PLCG2: variants seen among roughly 807,000 people sequenced by gnomAD.
The protein encoded by PLCG2 is 1-phosphatidylinositol 4,5-bisphosphate phosphodiesterase gamma-2.
In PLCG2, 69 loss-of-function variants were observed where a neutral mutation model predicts 175.6. The observed-to-expected ratio is 0.39, with a 90% CI of 0.32 to 0.48. PLCG2 has a LOEUF of 0.48. PLCG2 is among the 20% of genes least tolerant of loss of function. The probability of loss-of-function intolerance (pLI) is 0.91; values close to 1 mark genes in which losing one functional copy is unlikely to be tolerated. For synonymous variants in PLCG2, 827 were observed against 624.0 expected (o/e 1.33, Z -4.85); for missense variants, 1,798 against 1,650.9 (o/e 1.09, Z -1.54).
At chr16:81,920,657 A>T (rs571469470) in intron 20 of PLCG2, among the ~76,000 whole-genome samples, 2 of 152,272 alleles carry the variant, frequency 1.3e-5, no homozygotes, top group South Asian at 4.1e-4. Flanking sequence ...AGGTGACATG[A>T]GGAACAGAAA....
chr16:81,805,791 T>G (rs1178879534), intron 2 of PLCG2, among the ~76,000 whole-genome samples: 5 of 145,612 alleles, frequency 3.4e-5, no homozygotes, highest in Non-Finnish European at 6.0e-5. Flanking sequence ...TTGTTTTTTT[T>G]TTTTTTTGCT....
At chr16:81,884,784 C>A (rs1173424835) in intron 9 of PLCG2, among the ~76,000 whole-genome samples, 1 of 151,896 alleles carries the variant, frequency 6.6e-6, no homozygotes, top group African/African-American at 2.4e-5. Context: ...ACTTAAAAAA[C>A]CTCTTGTCTT....
chr16:81,889,370 T>A lies in PLCG2; in HGVS notation c.867+97T>A, dbSNP rs570232143. The A allele has an allele frequency of 1.9e-4, 135 of 721,180 alleles. 2 individuals carry two copies. The South Asian group carries it at 2.1e-3, about 11-fold the overall frequency. 44.7% of individuals were successfully genotyped at this position (721,180 alleles called of 1,614,324 possible). The stretch of plus-strand genomic sequence containing the variant: ...TTCTGTTTGTCTTTCCTTGGAGAAC[T>A]TTGCTGTATGATGTTGCCTCGACTG... On this transcript the variant is annotated intron_variant, in intron 10 of 32. Coordinates refer to ENST00000564138, the MANE Select transcript of PLCG2 (RefSeq NM_002661.5).
intron 3 of PLCG2, 174 bp from the exon 4 acceptor site, chr16:81,858,089 A>G (rs1597357875): frequency 3.4e-6 from 2 of 590,030 alleles, no homozygotes; most frequent in Non-Finnish European, 6.2e-6. Flanking sequence ...TCTCAGACAA[A>G]AAGCAGGTCC....
At position 81,957,944 on chromosome 16, in the gene PLCG2, G is replaced by T. The variant is rs1246386096; in HGVS notation, c.3756-12G>T. On this transcript the variant is annotated splice_polypyrimidine_tract_variant and intron_variant, in intron 32 of 32. Coordinates refer to ENST00000564138, the MANE Select transcript of PLCG2 (RefSeq NM_002661.5). Reference sequence around the variant, plus strand: ...TGGCCCACTGCTGATGGTGAAATCTGTTTTATTTCAGGTTAAGAGAGAAGA... The same window carrying T: ...TGGCCCACTGCTGATGGTGAAATCTTTTTTATTTCAGGTTAAGAGAGAAGA... 2 of 1,612,736 alleles carry T rather than the reference G, an allele frequency of 1.2e-6. No individual in the cohort carries two copies. Among genetic ancestry groups the T allele is most frequent in the African/African-American group, 2.7e-5 (2 of 74,886 alleles).
chr16:81,957,158 G>A (rs1378552917), intron 32 of PLCG2, among the ~76,000 whole-genome samples: 1 of 152,126 alleles, frequency 6.6e-6, no homozygotes, highest in Non-Finnish European at 1.5e-5. Context: ...AATTAGCTGG[G>A]CATGGTCGTG....
intron 1 of PLCG2, among the ~76,000 whole-genome samples, chr16:81,779,923 G>C (rs947050844): frequency 6.6e-6 from 1 of 152,354 alleles, no homozygotes; most frequent in Non-Finnish European, 1.5e-5. Flanking sequence ...AGAGCTTGCA[G>C]GACACTCGCG....
In PLCG2 at chr16:81,959,280, T is replaced by A. The variant is rs1259842106; in HGVS notation, c.*1282T>A. The A allele has an allele frequency of 4.5e-6, 1 of 223,380 alleles. No individual in the cohort carries two copies. The highest frequency in any genetic ancestry group is 2.2e-5 in the African/African-American group (1 of 44,704). 13.8% of individuals were successfully genotyped at this position (223,380 alleles called of 1,614,324 possible). A position where few individuals can be genotyped will look rare whatever the true frequency, so the allele number is the denominator to read the frequency against. On this transcript the variant is annotated 3_prime_UTR_variant, in exon 33 of 33. Coordinates refer to ENST00000564138, the MANE Select transcript of PLCG2 (RefSeq NM_002661.5). ...GATGGAACTGGCCCCTAGAAACCCA[T>A]CTGACCCTCCTCTTGTTACCCGAAA... is the stretch of plus-strand genomic sequence containing the variant.
chr16:81,833,281 C>G (rs947363364), intron 2 of PLCG2, among the ~76,000 whole-genome samples: 1 of 152,170 alleles, frequency 6.6e-6, no homozygotes, highest in African/African-American at 2.4e-5. Flanking sequence ...GTTAGAGTCA[C>G]TGGGCTCTGG....
intron 19 of PLCG2, among the ~76,000 whole-genome samples, chr16:81,919,098 A>T (rs1003975210): frequency 6.6e-6 from 1 of 152,228 alleles, no homozygotes; most frequent in Admixed American, 6.5e-5. Flanking sequence ...CAGACAATGT[A>T]TAAACAAATG....
chr16:81,858,509 C>G (rs58159952), intron 4 of PLCG2, among the ~76,000 whole-genome samples, 153 bp downstream of exon 4: 2 of 151,944 alleles, frequency 1.3e-5, no homozygotes, highest in Non-Finnish European at 2.9e-5. Flanking sequence ...TGCCTAGTAG[C>G]GGTGTGGGCT....
intron 1 of PLCG2, among the ~76,000 whole-genome samples, chr16:81,742,167 G>A (rs1208999744): frequency 1.4e-5 from 2 of 145,294 alleles, no homozygotes; most frequent in South Asian, 2.2e-4. Context: ...GGGGGGGGGC[G>A]GTGTTGGCTA....
chr16:81,781,025 C>A (rs1910704716), intron 1 of PLCG2, among the ~76,000 whole-genome samples: 1 of 122,308 alleles, frequency 8.2e-6, no homozygotes, highest in Non-Finnish European at 1.7e-5. Context: ...GACTCCATCT[C>A]AAGACAAACA....
chr16:81,946,416 A>C (rs748064898), intron 31 of PLCG2, among the ~76,000 whole-genome samples, 153 bp downstream of exon 31: 1 of 152,088 alleles, frequency 6.6e-6, no homozygotes, highest in Non-Finnish European at 1.5e-5. Flanking sequence ...CTTTTTGCTA[A>C]TTCCCCAGAG....
At chr16:81,771,135 C>T (rs983926641) in intron 2 of PLCG2, among the ~76,000 whole-genome samples, 3 of 152,110 alleles carry the variant, frequency 2.0e-5, no homozygotes, top group Non-Finnish European at 4.4e-5. Context: ...CATAAAGTGA[C>T]TAACCCATGT....
chr16:81,752,336 C>T (rs1012970285), intron 1 of PLCG2, among the ~76,000 whole-genome samples: 27 of 152,304 alleles, frequency 1.8e-4, no homozygotes, highest in Non-Finnish European at 4.0e-4. Context: ...GAGAAGTACC[C>T]GGCCAGCTCC....
chr16:81,776,083 C>CGTTCTTTCTTTCTTGCTTTCTTTCTT, upstream of PLCG2, among the ~76,000 whole-genome samples: 1 of 81,846 alleles, frequency 1.2e-5, no homozygotes, highest in East Asian at 3.8e-4. Flanking sequence ...TTCTCTCTCT[C>CGTTCTTTCTTTCTTGCTTTCTTTCTT]TCTCTCTTTC....
rs1911690170 is a variant in PLCG2, at chr16:81,800,894, A to G, written c.193+14712A>G. Reference sequence around the variant, plus strand: ...ACAAAGGTCCTTGCAGGAGGGAGGCAGGAGGGTCAGAGTCAGAGTGAGACT... The same window carrying G: ...ACAAAGGTCCTTGCAGGAGGGAGGCGGGAGGGTCAGAGTCAGAGTGAGACT... On this transcript the variant is annotated intron_variant, in intron 2 of 32. Coordinates refer to ENST00000564138, the MANE Select transcript of PLCG2 (RefSeq NM_002661.5). Among the ~76,000 whole-genome samples the G allele has an allele frequency of 2.0e-5, 3 of 152,224 alleles. No individual in the cohort carries two copies. The South Asian group carries it at 6.2e-4, about 32-fold the overall frequency.
intron 1 of PLCG2, among the ~76,000 whole-genome samples, chr16:81,783,950 G>T (rs552076757): frequency 6.6e-6 from 1 of 152,186 alleles, no homozygotes; most frequent in South Asian, 2.1e-4. Flanking sequence ...TCCCCTGAAA[G>T]CTTTTTCTGA....
Sources: allele counts gnomAD v4.1 joint callset (sites outside exome capture counted in the v4.1 genomes callset), GRCh38; gene constraint gnomAD v4.1.1; transcripts MANE v1.5; gene names NCBI Gene and HGNC (gene_info 2026-07-23, HGNC 2026-07-21).